LYPD6: variants seen among roughly 807,000 people sequenced by gnomAD.
The protein encoded by LYPD6 is ly6/PLAUR domain-containing protein 6.
Under a neutral mutation model 22.7 loss-of-function variants are expected in LYPD6, and 15 were observed. That is an observed-to-expected ratio of 0.66 (90% CI 0.44 to 1.02). LYPD6 has a LOEUF of 1.02. Ranked by LOEUF, LYPD6 falls within the 50% of genes least tolerant of loss-of-function variation. LYPD6 has a pLI of 0.00. For missense variants in LYPD6, 189 were observed against 208.4 expected, an observed-to-expected ratio of 0.91 and a Z score of 0.57; for synonymous variants, 72 against 77.5, an observed-to-expected ratio of 0.93 and a Z score of 0.37.
At chr2:149,481,316 C>T in the LYPD6 span, among the ~76,000 whole-genome samples, 6 of 152,154 alleles carry the variant, frequency 3.9e-5, no homozygotes, top group African/African-American at 1.4e-4. Flanking sequence ...TTTAATCTTG[C>T]ACTAAAAAAT....
intron 1 of LYPD6, among the ~76,000 whole-genome samples, chr2:149,393,276 G>A (rs565061860): frequency 6.6e-6 from 1 of 152,246 alleles, no homozygotes; most frequent in Admixed American, 6.5e-5. Flanking sequence ...GAAGTATTTT[G>A]AGGGCTGATT....
intron 1 of LYPD6, among the ~76,000 whole-genome samples, chr2:149,333,689 G>C (rs763553698): frequency 6.6e-6 from 1 of 152,150 alleles, no homozygotes; most frequent in Non-Finnish European, 1.5e-5. Context: ...GAAGTTTACC[G>C]TCTGGTGCCT....
the LYPD6 span, among the ~76,000 whole-genome samples, chr2:149,483,751 A>G: frequency 6.6e-6 from 1 of 152,252 alleles, no homozygotes; most frequent in East Asian, 1.9e-4. Flanking sequence ...CCCATAAATT[A>G]TACAATTATT....
At position 149,470,885 on chromosome 2, in the gene LYPD6, T is replaced by C. The variant is rs776118874; in HGVS notation, c.*35T>C. ...GGCTCCATGTGTTAATAGCGATCCA[T>C]GGGGATCTCGATGGTCCACAGACCT... On this transcript the variant is annotated 3_prime_UTR_variant, in exon 5 of 5. Coordinates refer to ENST00000334166, the MANE Select transcript of LYPD6 (RefSeq NM_194317.5). 1 of 1,581,732 alleles carries C rather than the reference T, an allele frequency of 6.3e-7. No homozygotes were observed. Among genetic ancestry groups the C allele is most frequent in the Admixed American group, 1.7e-5 (1 of 59,432 alleles).
intron 3 of LYPD6, among the ~76,000 whole-genome samples, chr2:149,452,795 G>A (rs1680865246): frequency 1.3e-5 from 2 of 152,314 alleles, no homozygotes; most frequent in South Asian, 4.1e-4. Context: ...ATTCAGACTT[G>A]TTTTGAGTTA....
intron 3 of LYPD6, among the ~76,000 whole-genome samples, chr2:149,467,587 G>T (rs980753939): frequency 6.6e-6 from 1 of 152,070 alleles, no homozygotes. Flanking sequence ...GGGGAGAGGG[G>T]AGGAATTTGT....
intron 1 of LYPD6, among the ~76,000 whole-genome samples, chr2:149,385,162 A>G (rs1394331416): frequency 6.6e-6 from 1 of 151,952 alleles, no homozygotes; most frequent in African/African-American, 2.4e-5. Context: ...GCCCTGAAGG[A>G]AAGTTATGAA....
the LYPD6 span, among the ~76,000 whole-genome samples, chr2:149,485,707 A>G: frequency 2.0e-5 from 3 of 152,154 alleles, no homozygotes; most frequent in Non-Finnish European, 4.4e-5. Context: ...TAGAGTTTCC[A>G]TATTTATAGG....
Position 149,468,696 on chromosome 2 carries a change from T to C in LYPD6, c.269T>C (p.Ile90Thr). 1 of 1,613,688 alleles carries C rather than the reference T, an allele frequency of 6.2e-7. No individual in the cohort carries two copies. Among genetic ancestry groups the C allele is most frequent in the Non-Finnish European group, 8.5e-7 (1 of 1,179,694 alleles). The change falls in exon 4 of 5, where the codon ATC becomes ACC. Residue 90 changes from isoleucine to threonine, a missense_variant. Transcript: ENST00000334166. ...QHTMEVTGNS[I>T]SVTKRCVPLE... ...ACAATGGAAGTCACAGGAAACAGTA[T>C]CTCAGTCACCAAACGCTGTGTCCCA...
chr2:149,361,142 A>G (rs1573741105), intron 1 of LYPD6, among the ~76,000 whole-genome samples: 1 of 152,326 alleles, frequency 6.6e-6, no homozygotes, highest in African/African-American at 2.4e-5. Flanking sequence ...GTAGATTTGA[A>G]TTCAGGCTTA....
chr2:149,476,138 C>G (rs1226518235), downstream of LYPD6, among the ~76,000 whole-genome samples: 3 of 152,126 alleles, frequency 2.0e-5, no homozygotes, highest in East Asian at 5.8e-4. Context: ...ATCAAAATGT[C>G]CCTTCTTTGG....
intron 1 of LYPD6, among the ~76,000 whole-genome samples, chr2:149,413,146 C>T (rs756272307): frequency 3.3e-5 from 5 of 152,162 alleles, no homozygotes; most frequent in Non-Finnish European, 7.3e-5. Flanking sequence ...CTTTTCCTCA[C>T]CCAAGGGAAA....
At chr2:149,338,308 C>T (rs1429915156) in intron 1 of LYPD6, among the ~76,000 whole-genome samples, 1 of 152,184 alleles carries the variant, frequency 6.6e-6, no homozygotes, top group Non-Finnish European at 1.5e-5. Flanking sequence ...GCAACCATGT[C>T]AGCATCTTTT....
intron 1 of LYPD6, among the ~76,000 whole-genome samples, chr2:149,357,039 G>T (rs1196701): frequency 1.3e-5 from 2 of 151,968 alleles, no homozygotes; most frequent in African/African-American, 4.8e-5. Context: ...GCCATTCTGT[G>T]TTTTTTCCCC....
chr2:149,455,939 C>T (rs1680948061), intron 3 of LYPD6, among the ~76,000 whole-genome samples: 1 of 152,178 alleles, frequency 6.6e-6, no homozygotes, highest in East Asian at 1.9e-4. Flanking sequence ...TTGGCAGCTT[C>T]CTCAAAAGGT....
intron 1 of LYPD6, among the ~76,000 whole-genome samples, chr2:149,427,744 C>T (rs982866164): frequency 1.3e-5 from 2 of 152,232 alleles, no homozygotes; most frequent in African/African-American, 4.8e-5. Context: ...GCTATACCAT[C>T]TGGGCTTGTA....
intron 1 of LYPD6, among the ~76,000 whole-genome samples, chr2:149,371,062 T>G (rs1681797048): frequency 6.6e-6 from 1 of 152,238 alleles, no homozygotes; most frequent in Non-Finnish European, 1.5e-5. Flanking sequence ...CTCTCCTCAC[T>G]GAGGCTGACT....
rs75156796 is a variant in LYPD6 at position 149,459,488 on chromosome 2, A to G, written c.218-9157A>G. On this transcript the variant is annotated intron_variant, in intron 3 of 4. Transcript: ENST00000334166. ...CTTAGTAAACGTACTTGATACTACA[A>G]TGCAGTACAACAGAATGTCCTTCTT... is the stretch of plus-strand genomic sequence containing the variant. 5.2e-3 allele frequency among the ~76,000 whole-genome samples: 793 copies of G among 152,356 alleles called. 6 individuals are homozygous for G. Among genetic ancestry groups the G allele is most frequent in the African/African-American group, 0.018 (732 of 41,584 alleles).
intron 1 of LYPD6, among the ~76,000 whole-genome samples, 194 bp downstream of exon 1, chr2:149,330,916 C>T (rs1680923801): frequency 6.6e-6 from 1 of 152,164 alleles, no homozygotes; most frequent in South Asian, 2.1e-4. Context: ...GGGCAGAGAG[C>T]CCCGCGAGTA....
Sources: allele counts gnomAD v4.1 joint callset (sites outside exome capture counted in the v4.1 genomes callset), GRCh38; gene constraint gnomAD v4.1.1; transcripts MANE v1.5; gene names NCBI Gene and HGNC (gene_info 2026-07-23, HGNC 2026-07-21).